RPS6KA2: variants seen among roughly 807,000 people sequenced by gnomAD.
The protein encoded by RPS6KA2 is ribosomal protein S6 kinase alpha-2.
Under a neutral mutation model 91.8 loss-of-function variants are expected in RPS6KA2, and 42 were observed. The ratio of observed to expected loss-of-function variants is 0.46; its 90% CI spans 0.36 to 0.59. The LOEUF is 0.59. RPS6KA2 is among the 20% of genes least tolerant of loss of function. The probability of loss-of-function intolerance (pLI) is 0.00; values close to 1 mark genes in which losing one functional copy is unlikely to be tolerated. For missense variants in RPS6KA2, 798 were observed against 978.5 expected, an observed-to-expected ratio of 0.82 and a Z score of 2.46; for synonymous variants, 414 against 393.6, an observed-to-expected ratio of 1.05 and a Z score of -0.61.
chr6:166,505,888 T>C (rs1782202527), intron 5 of RPS6KA2, among the ~76,000 whole-genome samples: 1 of 152,248 alleles, frequency 6.6e-6, no homozygotes, highest in Non-Finnish European at 1.5e-5. Context: ...TTCCTCTGAC[T>C]TGACATATCC....
intron 2 of RPS6KA2, among the ~76,000 whole-genome samples, chr6:166,707,927 A>ATAGT: frequency 6.6e-6 from 1 of 152,276 alleles, no homozygotes; most frequent in East Asian, 1.9e-4. Flanking sequence ...AATATTTTAC[A>ATAGT]GAGACAGGGT....
chr6:166,841,394 G>A (rs1181653046), intron 2 of RPS6KA2, among the ~76,000 whole-genome samples: 1 of 152,270 alleles, frequency 6.6e-6, no homozygotes, highest in East Asian at 1.9e-4. Context: ...CAGGCAAAGT[G>A]CGTGCTGCAC....
intron 2 of RPS6KA2, among the ~76,000 whole-genome samples, chr6:166,682,814 G>T (rs1200749033): frequency 6.6e-6 from 1 of 152,126 alleles, no homozygotes; most frequent in East Asian, 1.9e-4. Flanking sequence ...ACCTACCTCA[G>T]TAAAGAGACA....
At chr6:166,506,218 C>G (rs1262057991) in intron 5 of RPS6KA2, among the ~76,000 whole-genome samples, 1 of 152,218 alleles carries the variant, frequency 6.6e-6, no homozygotes, top group Non-Finnish European at 1.5e-5. Context: ...AGGTTCCCAG[C>G]AACTCCACGA....
intron 2 of RPS6KA2, among the ~76,000 whole-genome samples, chr6:166,756,794 C>T (rs142659058): frequency 8.0e-4 from 122 of 152,156 alleles, no homozygotes; most frequent in Middle Eastern, 3.4e-3. Context: ...TGTGGTGAGC[C>T]GAGATGGCGC....
chr6:166,679,663 C>T (rs893589667), intron 2 of RPS6KA2, among the ~76,000 whole-genome samples: 1 of 152,184 alleles, frequency 6.6e-6, no homozygotes, highest in Non-Finnish European at 1.5e-5. Context: ...TGGCCGCGCT[C>T]GAGGAGCCCT....
intron 2 of RPS6KA2, among the ~76,000 whole-genome samples, chr6:166,711,425 AC>A (rs1401055059): frequency 6.6e-6 from 1 of 150,784 alleles, no homozygotes; most frequent in Non-Finnish European, 1.5e-5. Context: ...AAGATGCCAA[AC>A]CAAGATGACA....
At chr6:166,777,443 G>A (rs1477452069) in intron 2 of RPS6KA2, among the ~76,000 whole-genome samples, 1 of 152,166 alleles carries the variant, frequency 6.6e-6, no homozygotes, top group Non-Finnish European at 1.5e-5. Context: ...GAGAGAGGAA[G>A]TGGCCTCCGA....
At chr6:166,715,163 C>T (rs1174462782) in intron 2 of RPS6KA2, among the ~76,000 whole-genome samples, 1 of 152,246 alleles carries the variant, frequency 6.6e-6, no homozygotes, top group African/African-American at 2.4e-5. Flanking sequence ...AGCACCCCTC[C>T]AGGCAGCCCG....
chr6:166,859,260 A>C (rs1780988307), intron 1 of RPS6KA2, among the ~76,000 whole-genome samples: 1 of 152,172 alleles, frequency 6.6e-6, no homozygotes, highest in South Asian at 2.1e-4. Context: ...CAGAGAGAAA[A>C]ATCATGCTTA....
At position 166,853,236 on chromosome 6, in the gene RPS6KA2, C is replaced by T. The variant is rs141865310; in HGVS notation, c.123+4964G>A. ...AGAGGATCGTTTGAGTTCAGGGGCT[C>T]GAGACCAGCCTAGGCAATATAGTGA... On this transcript the variant is annotated intron_variant, in intron 2 of 21. Transcript: ENST00000503859. Among the ~76,000 whole-genome samples, 212 of 152,240 alleles carry T rather than the reference C, an allele frequency of 1.4e-3. 3 individuals carry two copies. The East Asian group carries it at 0.018, about 13-fold the overall frequency.
chr6:166,569,218 C>T (rs193197048), intron 1 of RPS6KA2, among the ~76,000 whole-genome samples: 13 of 152,350 alleles, frequency 8.5e-5, no homozygotes, highest in African/African-American at 3.1e-4. Context: ...GGCTGAGACC[C>T]CGCAGGGGCC....
At chr6:166,803,912 ATGT>A (rs1186537736) in intron 2 of RPS6KA2, among the ~76,000 whole-genome samples, 2 of 152,220 alleles carry the variant, frequency 1.3e-5, no homozygotes, top group Non-Finnish European at 2.9e-5. Context: ...AGAAAATGTA[ATGT>A]TGTTATGAAA....
chr6:166,762,074 G>A (rs1483792001), intron 2 of RPS6KA2, among the ~76,000 whole-genome samples: 4 of 152,178 alleles, frequency 2.6e-5, no homozygotes, highest in African/African-American at 9.7e-5. Context: ...GGAGGCCCTG[G>A]TGTCACCACA....
intron 2 of RPS6KA2, among the ~76,000 whole-genome samples, chr6:166,534,784 G>A (rs1783427701): frequency 6.6e-6 from 1 of 152,256 alleles, no homozygotes; most frequent in Non-Finnish European, 1.5e-5. Context: ...TCCTACCAAT[G>A]TCTGCCAAGC....
chr6:166,724,263 T>C (rs896078690), intron 2 of RPS6KA2, among the ~76,000 whole-genome samples: 3 of 152,186 alleles, frequency 2.0e-5, no homozygotes, highest in Non-Finnish European at 4.4e-5. Flanking sequence ...TAATACTTTT[T>C]CTTCTTGTAT....
rs193245304 is a variant in RPS6KA2, at chr6:166,421,063, C to T, written c.1744-1105G>A. 3.7e-3 allele frequency among the ~76,000 whole-genome samples: 569 copies of T among 152,258 alleles called. 3 individuals are homozygous for T. The highest frequency in any genetic ancestry group is 0.012 in the African/African-American group (494 of 41,550). Reference sequence around the variant, plus strand: ...CTGCACCATGGAGGGGACCAGCCAGCGCATGCTGAATGAATGTGGTGCTCA... The same window carrying T: ...CTGCACCATGGAGGGGACCAGCCAGTGCATGCTGAATGAATGTGGTGCTCA... On this transcript the variant is annotated intron_variant, in intron 17 of 20. Coordinates refer to ENST00000265678, the MANE Select transcript of RPS6KA2 (RefSeq NM_021135.6).
intron 3 of RPS6KA2, among the ~76,000 whole-genome samples, 157 bp downstream of exon 3, chr6:166,531,075 T>C (rs3752548): frequency 0.028 from 4,213 of 152,346 alleles, 172 homozygotes; most frequent in Admixed American, 0.11. Context: ...TTCATGGAAA[T>C]GTTTATACTG....
chr6:166,465,690 C>T (rs1414530642), intron 11 of RPS6KA2, among the ~76,000 whole-genome samples: 1 of 152,216 alleles, frequency 6.6e-6, no homozygotes, highest in Non-Finnish European at 1.5e-5. Flanking sequence ...TTTCAGGCAT[C>T]ATTTCTCTCT....
Sources: allele counts gnomAD v4.1 joint callset (sites outside exome capture counted in the v4.1 genomes callset), GRCh38; gene constraint gnomAD v4.1.1; transcripts MANE v1.5; gene names NCBI Gene and HGNC (gene_info 2026-07-23, HGNC 2026-07-21).